The following B9D2 variants were observed in gnomAD, a reference collection of about 807,000 sequenced individuals.
B9D2 encodes the protein B9 domain containing 2.
A neutral mutation model predicts 19.2 loss-of-function variants in B9D2; 21 were observed. The ratio of observed to expected loss-of-function variants is 1.09; its 90% CI spans 0.78 to 1.58. The LOEUF is 1.58. Among genes scored for constraint, B9D2 ranks in the 40% most tolerant of loss-of-function variants. B9D2 has a pLI of 0.00. For missense variants in B9D2, 221 were observed against 244.3 expected (o/e 0.90, Z 0.64); for synonymous variants, 91 against 100.6 (o/e 0.90, Z 0.57).
intron 2 of B9D2, among the ~76,000 whole-genome samples, chr19:41,358,304 T>C (rs955181750): frequency 6.6e-6 from 1 of 152,146 alleles, no homozygotes; most frequent in Non-Finnish European, 1.5e-5. Flanking sequence ...CTTAACATAA[T>C]ATCCAAAACT....
Position 41,354,648 on chromosome 19 carries a change from C to T in B9D2, c.*52G>A. The T allele has an allele frequency of 6.2e-7, 1 of 1,606,930 alleles. No individual in the cohort carries two copies. Among genetic ancestry groups the T allele is most frequent in the Admixed American group, 1.7e-5 (1 of 59,932 alleles). On this transcript the variant is annotated 3_prime_UTR_variant, in exon 4 of 4. Transcript: ENST00000243578. ...TCTTGACCACTGTGCCATCCTCCCCCATCACTGGGTGTCCGGGGTGTGGAT... is the reference window on the plus strand; with the variant it reads ...TCTTGACCACTGTGCCATCCTCCCCTATCACTGGGTGTCCGGGGTGTGGAT...
At chr19:41,358,559 G>T (rs2038352915) in intron 2 of B9D2, among the ~76,000 whole-genome samples, 1 of 152,046 alleles carries the variant, frequency 6.6e-6, no homozygotes, top group Admixed American at 6.6e-5. Context: ...GTGAGCACGG[G>T]ATAAGTCTTC....
chr19:41,359,638 G>A (rs987993625), intron 2 of B9D2, among the ~76,000 whole-genome samples: 1 of 151,958 alleles, frequency 6.6e-6, no homozygotes, highest in Non-Finnish European at 1.5e-5. Context: ...AGGAGGCGGA[G>A]GTTGCAGTGA....
intron 2 of B9D2, chr19:41,363,197 G>A: frequency 1.8e-6 from 1 of 570,100 alleles, no homozygotes; most frequent in South Asian, 1.9e-5. Context: ...ACTGAGCTAT[G>A]ATCACACCAC....
chr19:41,357,610 C>G (rs1263538773), intron 3 of B9D2, among the ~76,000 whole-genome samples: 1 of 152,108 alleles, frequency 6.6e-6, no homozygotes, highest in Non-Finnish European at 1.5e-5. Context: ...TGGAGACTCT[C>G]GTTTTGTCTC....
At chr19:41,363,349 C>G in intron 2 of B9D2, 83 bp downstream of exon 2, 1 of 1,375,242 alleles carries the variant, frequency 7.3e-7, no homozygotes, top group Non-Finnish European at 1.0e-6. Flanking sequence ...GGTTAAGAGT[C>G]TGCGTTAAGG....
chr19:41,363,912 TC>T, intron 1 of B9D2, 45 bp downstream of exon 1: 1 of 427,332 alleles, frequency 2.3e-6, no homozygotes, highest in Non-Finnish European at 4.3e-6. Flanking sequence ...TGAGTTCAGG[TC>T]CGACTTAACC....
chr19:41,359,654 G>C (rs533980841), intron 2 of B9D2, among the ~76,000 whole-genome samples: 19 of 151,814 alleles, frequency 1.3e-4, no homozygotes, highest in Non-Finnish European at 2.6e-4. Context: ...AGTGAGCCAA[G>C]ATGGTCCCAT....
In B9D2 at chr19:41,354,643, T is replaced by C; in HGVS notation, c.*57A>G. 1 of 1,596,320 alleles carries C rather than the reference T, an allele frequency of 6.3e-7. No individual in the cohort carries two copies. Among genetic ancestry groups the C allele is most frequent in the Non-Finnish European group, 8.6e-7 (1 of 1,164,870 alleles). On this transcript the variant is annotated 3_prime_UTR_variant, in exon 4 of 4. Transcript: ENST00000243578. The stretch of plus-strand genomic sequence containing the variant: ...TGTGCTCTTGACCACTGTGCCATCC[T>C]CCCCCATCACTGGGTGTCCGGGGTG...
intron 2 of B9D2, chr19:41,361,279 G>A (rs1184388074): frequency 6.6e-6 from 1 of 152,168 alleles, no homozygotes; most frequent in Non-Finnish European, 1.5e-5. Flanking sequence ...CCTGCGTCAG[G>A]CTCCTTAAAA....
At chr19:41,357,802 G>A (rs1385824865) in intron 3 of B9D2, 95 bp downstream of exon 3, 4 of 1,551,580 alleles carry the variant, frequency 2.6e-6, no homozygotes, top group Middle Eastern at 2.3e-4. Flanking sequence ...GGTATGGGGA[G>A]CAGGGACAGG....
intron 2 of B9D2, among the ~76,000 whole-genome samples, chr19:41,360,065 C>G (rs1466556565): frequency 6.6e-6 from 1 of 152,224 alleles, no homozygotes; most frequent in Non-Finnish European, 1.5e-5. Context: ...TCAAGTGCCA[C>G]TTCCACAGAG....
chr19:41,362,926 A>C, intron 2 of B9D2: 1 of 207,792 alleles, frequency 4.8e-6, no homozygotes, highest in South Asian at 6.8e-5. Flanking sequence ...ATGACTCTAT[A>C]GGGCCTCAGT....
At chr19:41,356,616 G>A (rs977218403) in intron 3 of B9D2, among the ~76,000 whole-genome samples, 3 of 152,116 alleles carry the variant, frequency 2.0e-5, no homozygotes, top group African/African-American at 4.8e-5. Context: ...GGCCGAGGCA[G>A]GTGGATCACC....
intron 2 of B9D2, chr19:41,363,221 G>T (rs991368359): frequency 9.8e-6 from 6 of 609,218 alleles, no homozygotes; most frequent in Non-Finnish European, 1.8e-5. Context: ...ACTCCAGCCC[G>T]GGCGCAGAGA....
chr19:41,359,597 G>C (rs1206611839), intron 2 of B9D2, among the ~76,000 whole-genome samples: 1 of 152,034 alleles, frequency 6.6e-6, no homozygotes, highest in Non-Finnish European at 1.5e-5. Context: ...CAGCTACTCA[G>C]GAGGCTGAGG....
chr19:41,359,157 G>A (rs1469194213), intron 2 of B9D2, among the ~76,000 whole-genome samples: 2 of 151,116 alleles, frequency 1.3e-5, no homozygotes, highest in Admixed American at 6.6e-5. Context: ...CAAGCCAGGC[G>A]CAGTGACTCA....
chr19:41,356,360 T>C (rs947259675), intron 3 of B9D2, among the ~76,000 whole-genome samples: 19 of 152,040 alleles, frequency 1.2e-4, no homozygotes, highest in Admixed American at 1.2e-3. Flanking sequence ...ATTTCAAAAG[T>C]AGAGGCAGTT....
intron 2 of B9D2, among the ~76,000 whole-genome samples, chr19:41,360,474 A>G (rs1027363028): frequency 4.6e-5 from 7 of 151,656 alleles, no homozygotes; most frequent in African/African-American, 1.7e-4. Flanking sequence ...ACCACACCCA[A>G]CTGCACTCGT....
Sources: gnomAD v4.1 joint callset for allele counts (sites outside exome capture counted in the v4.1 genomes callset) on GRCh38, gnomAD v4.1.1 for gene constraint, MANE v1.5 for transcripts, NCBI Gene and HGNC (gene_info 2026-07-23, HGNC 2026-07-21) for gene names.